Variants in CSGALNACT1 observed in about 807,000 individuals in gnomAD.
CSGALNACT1 encodes chondroitin sulfate N-acetylgalactosaminyltransferase 1, also known as beta4GalNAcT-1.
CSGALNACT1 carries 52 observed loss-of-function variants against 51.0 expected under a neutral mutation model. The ratio of observed to expected loss-of-function variants is 1.02; its 90% CI spans 0.82 to 1.29. The LOEUF (loss-of-function observed/expected upper bound fraction) is 1.29. CSGALNACT1 is among the 50% of genes most tolerant of loss of function. The pLI, the probability that CSGALNACT1 is intolerant of heterozygous loss-of-function variation, is 0.00. For synonymous variants in CSGALNACT1, 341 were observed against 254.4 expected, an observed-to-expected ratio of 1.34 and a Z score of -3.24; for missense variants, 935 against 679.2, an observed-to-expected ratio of 1.38 and a Z score of -4.19.
intron 8 of CSGALNACT1, among the ~76,000 whole-genome samples, chr8:19,415,280 C>T (rs555759607): frequency 2.6e-5 from 4 of 152,304 alleles, no homozygotes; most frequent in South Asian, 2.1e-4. Context: ...CCGTAGGCAG[C>T]GAGCACTCAA....
chr8:19,421,572 T>A (rs978810779), intron 6 of CSGALNACT1, among the ~76,000 whole-genome samples: 15 of 152,294 alleles, frequency 9.8e-5, no homozygotes, highest in African/African-American at 3.6e-4. Flanking sequence ...ACCTGGCCTA[T>A]CCCCATGCCC....
chr8:19,598,341 T>C (rs1005039304), intron 2 of CSGALNACT1, among the ~76,000 whole-genome samples: 2 of 152,134 alleles, frequency 1.3e-5, no homozygotes, highest in Non-Finnish European at 2.9e-5. Flanking sequence ...GGAGTATAAA[T>C]TAAAATTGAA....
intron 3 of CSGALNACT1, among the ~76,000 whole-genome samples, chr8:19,536,144 G>A (rs2083681620): frequency 6.6e-6 from 1 of 152,156 alleles, no homozygotes; most frequent in African/African-American, 2.4e-5. Context: ...ATCAATATAT[G>A]ACACTTAATT....
chr8:19,731,827 G>A (rs1353088878), intron 1 of CSGALNACT1, among the ~76,000 whole-genome samples: 1 of 152,114 alleles, frequency 6.6e-6, no homozygotes, highest in Non-Finnish European at 1.5e-5. Context: ...CTCTATAATT[G>A]TATATTGAGA....
chr8:19,504,997 C>A (rs1041835090), intron 4 of CSGALNACT1, among the ~76,000 whole-genome samples: 7 of 152,112 alleles, frequency 4.6e-5, no homozygotes, highest in South Asian at 2.1e-4. Flanking sequence ...ACTCAATGAC[C>A]GTGGTTTCCA....
At chr8:19,467,382 A>G (rs1434919483) in intron 4 of CSGALNACT1, among the ~76,000 whole-genome samples, 1 of 151,902 alleles carries the variant, frequency 6.6e-6, no homozygotes, top group African/African-American at 2.4e-5. Flanking sequence ...CGGCCCCCCA[A>G]AGTGCTGGGA....
intron 2 of CSGALNACT1, among the ~76,000 whole-genome samples, chr8:19,601,444 G>A (rs1001748201): frequency 4.6e-5 from 7 of 152,124 alleles, no homozygotes; most frequent in Non-Finnish European, 7.4e-5. Flanking sequence ...CTATGTAAGC[G>A]AACTGTTTCA....
intron 1 of CSGALNACT1, among the ~76,000 whole-genome samples, chr8:19,716,862 C>G (rs1394290196): frequency 6.6e-6 from 1 of 151,994 alleles, no homozygotes; most frequent in African/African-American, 2.4e-5. Context: ...ACACAAATAG[C>G]ATAGAGAATT....
At chr8:19,528,957 T>G (rs2958578) in intron 3 of CSGALNACT1, among the ~76,000 whole-genome samples, 152,216 of 152,314 alleles carry the variant, frequency 1, 76,059 homozygotes, top group Non-Finnish European at 1. Context: ...GGTCTATGAG[T>G]AATGGTTGTT....
At chr8:19,662,201 T>A (rs554167392) in intron 1 of CSGALNACT1, among the ~76,000 whole-genome samples, 1 of 150,278 alleles carries the variant, frequency 6.7e-6, no homozygotes, top group Non-Finnish European at 1.5e-5. Context: ...GTGATCAACA[T>A]GGTGAAACCC....
rs186011363 is a variant in CSGALNACT1 at position 19,517,917 on chromosome 8, G to T, written c.-296-11787C>A. 3.3e-5 allele frequency among the ~76,000 whole-genome samples: 5 copies of T among 152,246 alleles called. No individual in the cohort carries two copies. In the East Asian group the frequency reaches 9.6e-4, roughly 29 times the overall value. On this transcript the variant is annotated intron_variant, in intron 3 of 9. Coordinates refer to ENST00000454498, the Ensembl canonical transcript of CSGALNACT1. ...TCTCTCTTCTTTCCTCTAGAGCACT[G>T]CAAAAGTAGATGCCCATGTAATGGC...
chr8:19,609,751 G>T (rs917105976), intron 1 of CSGALNACT1, among the ~76,000 whole-genome samples: 7 of 152,022 alleles, frequency 4.6e-5, no homozygotes, highest in African/African-American at 1.7e-4. Context: ...ATATATTTTC[G>T]ATTTTGGTAA....
chr8:19,683,076 A>AT, upstream of CSGALNACT1: 1 of 235,742 alleles, frequency 4.2e-6, no homozygotes, highest in Non-Finnish European at 8.6e-6. Flanking sequence ...GGGAACAGAT[A>AT]GGCAACTGTG....
At chr8:19,616,108 T>C (rs1279422288) in intron 1 of CSGALNACT1, among the ~76,000 whole-genome samples, 1 of 152,222 alleles carries the variant, frequency 6.6e-6, no homozygotes, top group Admixed American at 6.5e-5. Flanking sequence ...GGCAGTGTTA[T>C]CATACAATAC....
At chr8:19,750,245 A>T (rs539619696) in intron 1 of CSGALNACT1, among the ~76,000 whole-genome samples, 45 of 152,302 alleles carry the variant, frequency 3.0e-4, no homozygotes, top group African/African-American at 1.1e-3. Flanking sequence ...CCTCCTGGCC[A>T]TCCTCTTTGG....
At chr8:19,475,300 A>C (rs1031066539) in intron 4 of CSGALNACT1, among the ~76,000 whole-genome samples, 1 of 152,180 alleles carries the variant, frequency 6.6e-6, no homozygotes, top group Admixed American at 6.5e-5. Flanking sequence ...AGGGCCAAGA[A>C]GGCAGCCTGT....
chr8:19,609,135 A>C (rs546612687), intron 1 of CSGALNACT1, among the ~76,000 whole-genome samples: 2 of 151,786 alleles, frequency 1.3e-5, no homozygotes, highest in Admixed American at 6.6e-5. Flanking sequence ...TATATAATTA[A>C]ATTTATTCAA....
intron 8 of CSGALNACT1, among the ~76,000 whole-genome samples, chr8:19,414,594 TAC>T (rs10555160): frequency 0.79 from 119,683 of 150,648 alleles, 47,501 homozygotes; most frequent in Admixed American, 0.84. Flanking sequence ...AACACACACA[TAC>T]ACACACACAC....
At position 19,435,490 on chromosome 8, in the gene CSGALNACT1, T is replaced by TA. The variant is rs2060243513; in HGVS notation, c.953+4339_953+4340insT. ...CCTGGTAAAAAAGTGAGACTCTGAA[T>TA]CAAAAAAAAAAAAAAAATTCCTATT... On this transcript the variant is annotated intron_variant, in intron 6 of 9. Coordinates refer to ENST00000454498, the Ensembl canonical transcript of CSGALNACT1. Among the ~76,000 whole-genome samples, 282 of 89,606 alleles carry TA rather than the reference T, an allele frequency of 3.1e-3. 3 individuals carry two copies. Among genetic ancestry groups the TA allele is most frequent in the African/African-American group, 0.014 (264 of 18,520 alleles). 58.8% of individuals were successfully genotyped at this position (89,606 alleles called of 152,430 possible).
Sources: gnomAD v4.1 joint callset for allele counts (sites outside exome capture counted in the v4.1 genomes callset) on GRCh38, gnomAD v4.1.1 for gene constraint, MANE v1.5 for transcripts, NCBI Gene and HGNC (gene_info 2026-07-23, HGNC 2026-07-21) for gene names.